NCOA3: variants seen among roughly 807,000 people sequenced by gnomAD.
NCOA3 encodes the protein nuclear receptor coactivator 3, also known as CBP-interacting protein.
A neutral mutation model predicts 158.8 loss-of-function variants in NCOA3; 51 were observed. That is an observed-to-expected ratio of 0.32 (90% CI 0.26 to 0.41). The LOEUF (loss-of-function observed/expected upper bound fraction) is 0.41. Among genes scored for constraint, NCOA3 ranks in the 10% least tolerant of loss-of-function variants. The probability of loss-of-function intolerance (pLI) is 1.00; values close to 1 mark genes in which losing one functional copy is unlikely to be tolerated. For synonymous variants in NCOA3, 537 were observed against 592.4 expected (o/e 0.91, Z 1.36); for missense variants, 1,510 against 1,746.6 (o/e 0.86, Z 2.41).
Position 47,635,621 on chromosome 20 carries a change from C to G in NCOA3, c.1412C>G (p.Pro471Arg). Residue 471 changes from proline (P) to arginine (R), a missense_variant, in exon 11 of 23, where the codon CCT (proline) becomes CGT (arginine). Physicochemically the swap from Pro to Arg is moderately radical, Grantham distance 103. Around this residue, in one of 4 missense-constraint regions of NCOA3, gnomAD observed 1,017 missense variants for 1,098.3 expected, o/e 0.93. Coordinates refer to ENST00000371998, the MANE Select transcript of NCOA3 (RefSeq NM_181659.3). ...LNMSSPPHGS[P>R]GLAPNQQNIM... ...ATGAGTAGCCCCCCACATGGGAGTCCTGGTCTTGCCCCAAACCAGCAGAAT... is the reference window on the plus strand; with the variant it reads ...ATGAGTAGCCCCCCACATGGGAGTCGTGGTCTTGCCCCAAACCAGCAGAAT... 6.2e-7 allele frequency: 1 copy of G among 1,614,198 alleles called. No individual in the cohort carries two copies. The highest frequency in any genetic ancestry group is 8.5e-7 in the Non-Finnish European group (1 of 1,180,040).
intron 1 of NCOA3, 141 bp from the exon 2 acceptor site, chr20:47,583,042 G>T: frequency 5.2e-6 from 2 of 385,446 alleles, no homozygotes; most frequent in East Asian, 7.3e-5. Context: ...TGATTTGCCC[G>T]CCTTGCCTCC....
At chr20:47,529,982 A>G (rs925890954) in intron 1 of NCOA3, among the ~76,000 whole-genome samples, 4 of 152,256 alleles carry the variant, frequency 2.6e-5, no homozygotes, top group African/African-American at 7.2e-5. Context: ...ACTATTTCCC[A>G]TAATAACATG....
intron 1 of NCOA3, among the ~76,000 whole-genome samples, chr20:47,544,526 A>T (rs1437534094): frequency 6.6e-6 from 1 of 151,694 alleles, no homozygotes; most frequent in East Asian, 1.9e-4. Context: ...TTTGTTTTAG[A>T]TGTTGCCTTT....
At chr20:47,550,358 T>G (rs1309967448) in intron 1 of NCOA3, among the ~76,000 whole-genome samples, 1 of 149,210 alleles carries the variant, frequency 6.7e-6, no homozygotes, top group Non-Finnish European at 1.5e-5. Flanking sequence ...GCAGGAGAAT[T>G]GCTTGAATCC....
At position 47,651,292 on chromosome 20, in the gene NCOA3, A is replaced by C; in HGVS notation, c.3946+16A>C. On this transcript the variant is annotated intron_variant, in intron 20 of 22. Transcript: ENST00000371998. ...CCAAATTATGGTAAATCTGACAATG[A>C]AAATGTGCCTTCCCCAAGTTAACAT... is the stretch of plus-strand genomic sequence containing the variant. The C allele has an allele frequency of 5.0e-6, 8 of 1,588,116 alleles. No individual in the cohort carries two copies. Among genetic ancestry groups the C allele is most frequent in the Non-Finnish European group, 6.9e-6 (8 of 1,162,894 alleles).
chr20:47,538,326 G>A (rs2084668046), intron 1 of NCOA3, among the ~76,000 whole-genome samples: 1 of 152,298 alleles, frequency 6.6e-6, no homozygotes, highest in East Asian at 1.9e-4. Context: ...TAGGCACTGC[G>A]TTAGAAGCGA....
intron 1 of NCOA3, among the ~76,000 whole-genome samples, chr20:47,507,656 T>C (rs1397788937): frequency 1.3e-5 from 2 of 152,358 alleles, no homozygotes; most frequent in South Asian, 2.1e-4. Flanking sequence ...TTCACTCTTG[T>C]TGCCCAGGCT....
rs573750252 is a variant in NCOA3, at chr20:47,633,470, CT to C, written c.824-19del. On this transcript the variant is annotated intron_variant, in intron 8 of 22. Coordinates refer to ENST00000371998, the MANE Select transcript of NCOA3 (RefSeq NM_181659.3). ...AAATACTTGTGGGCTGGATATAAGT[CT>C]TTTTTTCCTTTTTTTGTTTAATAGG... 822 of 1,592,390 alleles carry C rather than the reference CT, an allele frequency of 5.2e-4. 10 individuals are homozygous for C. In the South Asian group the frequency reaches 8.8e-3, roughly 17 times the overall value.
rs761223609 is a variant in NCOA3 at position 47,639,748 on chromosome 20, C to G, written c.2879C>G (p.Thr960Arg). ...PRPALGGSIPTLPLRSNSIPG... is the reference protein window; with the variant it reads ...PRPALGGSIPRLPLRSNSIPG... Reference sequence around the variant, plus strand: ...CCTGCACTGGGTGGCTCTATTCCCACATTGCCTCTTCGGTCTAATAGCATA... The same window carrying G: ...CCTGCACTGGGTGGCTCTATTCCCAGATTGCCTCTTCGGTCTAATAGCATA... Residue 960 changes from threonine to arginine, a missense_variant, in exon 15 of 23, where the codon ACA becomes AGA. Physicochemically the swap from Thr to Arg is moderately conservative, Grantham distance 71 (BLOSUM62 -1). Around this residue, in one of 4 missense-constraint regions of NCOA3, gnomAD observed 1,017 missense variants for 1,098.3 expected, o/e 0.93. Coordinates refer to ENST00000371998, the MANE Select transcript of NCOA3 (RefSeq NM_181659.3). The G allele has an allele frequency of 6.2e-7, 1 of 1,614,086 alleles. No individual in the cohort carries two copies. The highest frequency in any genetic ancestry group is 8.5e-7 in the Non-Finnish European group (1 of 1,180,052).
In NCOA3 at chr20:47,622,175, G is replaced by A. The variant is rs781175716; in HGVS notation, c.-19-54G>A. The A allele has an allele frequency of 1.1e-5, 10 of 918,436 alleles. No homozygotes were observed. In the Admixed American group the frequency reaches 1.3e-4, roughly 12 times the overall value. The allele number at this position is 918,436 out of a possible 1,614,324, so 56.9% of individuals were successfully genotyped here. ...CATTCAGTCATATAACACCTTCATAGAGTCATGTATATTTTTTAATGTACT... is the reference window on the plus strand; with the variant it reads ...CATTCAGTCATATAACACCTTCATAAAGTCATGTATATTTTTTAATGTACT... On this transcript the variant is annotated intron_variant, in intron 2 of 22. Transcript: ENST00000371998.
Position 47,636,379 on chromosome 20 carries a change from G to C in NCOA3, c.1993G>C (p.Gly665Arg), listed in dbSNP as rs766813651. Residue 665 changes from glycine (G) to arginine (R), a missense_variant, in exon 12 of 23, where the codon GGA (glycine) becomes CGA (arginine). Physicochemically the swap from Gly to Arg is moderately radical, Grantham distance 125. This residue lies in a region of NCOA3 where 1,017 missense variants were observed against 1,098.3 expected (regional missense o/e 0.93). Coordinates refer to ENST00000371998, the MANE Select transcript of NCOA3 (RefSeq NM_181659.3). ...SPSGVSSSTS[G>R]GVSSTSNMHG... Reference sequence around the variant, plus strand: ...CTCTGGAGTCTCCTCCTCTACATCTGGAGGAGTATCCTCTACATCCAATAT... The same window carrying C: ...CTCTGGAGTCTCCTCCTCTACATCTCGAGGAGTATCCTCTACATCCAATAT... The C allele has an allele frequency of 3.7e-6, 6 of 1,614,128 alleles. No homozygotes were observed. The East Asian group carries it at 1.3e-4, about 36-fold the overall frequency.
intron 2 of NCOA3, among the ~76,000 whole-genome samples, chr20:47,592,706 G>A (rs1257185165): frequency 6.6e-6 from 1 of 152,152 alleles, no homozygotes; most frequent in Non-Finnish European, 1.5e-5. Flanking sequence ...CAGTTAAAAT[G>A]TTCATACTGT....
intron 2 of NCOA3, among the ~76,000 whole-genome samples, chr20:47,594,524 G>T (rs2085711371): frequency 6.6e-6 from 1 of 151,636 alleles, no homozygotes; most frequent in African/African-American, 2.4e-5. Flanking sequence ...AATTAGCCTG[G>T]CGTGTTGGCA....
chr20:47,646,376 C>A (rs1465010521), intron 17 of NCOA3, among the ~76,000 whole-genome samples: 2 of 152,076 alleles, frequency 1.3e-5, no homozygotes, highest in East Asian at 3.8e-4. Flanking sequence ...GGAGGGCCAA[C>A]TGTATTGTGA....
intron 1 of NCOA3, among the ~76,000 whole-genome samples, chr20:47,552,536 T>C (rs993266980): frequency 6.6e-6 from 1 of 152,130 alleles, no homozygotes; most frequent in African/African-American, 2.4e-5. Context: ...ATCATTATAT[T>C]TTCCCCAAAC....
chr20:47,634,631 A>AC (rs922146160), intron 10 of NCOA3, among the ~76,000 whole-genome samples: 4 of 152,176 alleles, frequency 2.6e-5, no homozygotes, highest in Admixed American at 1.3e-4. Context: ...ATTTGCAGGT[A>AC]CCCCCAGGTG....
At chr20:47,594,664 CAAAAAAAAAAAAAA>C (rs377014290) in intron 2 of NCOA3, among the ~76,000 whole-genome samples, 26 of 72,942 alleles carry the variant, frequency 3.6e-4, no homozygotes, top group Non-Finnish European at 5.9e-4. Flanking sequence ...GACTCTGTCT[CAAAAAAAAAAAAAA>C]AAAAAAAAAA....
chr20:47,582,291 T>G lies in NCOA3; in HGVS notation c.-98-892T>G, dbSNP rs572408751. On this transcript the variant is annotated intron_variant, in intron 1 of 22. Transcript: ENST00000371998. The stretch of plus-strand genomic sequence containing the variant: ...GCAATGGCATGGTCTTGGGTCACTG[T>G]AACCTCTGCTTCCCTAATTCAGGTG... Among the ~76,000 whole-genome samples, 4 of 152,288 alleles carry G rather than the reference T, an allele frequency of 2.6e-5. No homozygotes were observed. In the South Asian group the frequency reaches 6.2e-4, roughly 24 times the overall value.
rs71183263 is a variant in NCOA3, at chr20:47,558,232, A to ATTTTTTTTTTTTTTTTT, written c.-98-24938_-98-24922dup. ...CACCTCCACGCCCAGCTAATTTTGT[A>ATTTTTTTTTTTTTTTTT]TTTTTTTTTTTTTTTTTTTTTTTTT... On this transcript the variant is annotated intron_variant, in intron 1 of 22. Coordinates refer to ENST00000371998, the MANE Select transcript of NCOA3 (RefSeq NM_181659.3). Among the ~76,000 whole-genome samples the ATTTTTTTTTTTTTTTTT allele has an allele frequency of 5.0e-4, 28 of 55,528 alleles. 1 individual carries two copies. Among genetic ancestry groups the ATTTTTTTTTTTTTTTTT allele is most frequent in the African/African-American group, 1.7e-3 (26 of 15,484 alleles). The allele number at this position is 55,528 out of a possible 152,430, so 36.4% of individuals were successfully genotyped here.
Sources: gnomAD v4.1 joint callset for allele counts (sites outside exome capture counted in the v4.1 genomes callset) on GRCh38, gnomAD v4.1.1 for gene constraint, gnomAD v4.1.1 regional missense constraint, MANE v1.5 for transcripts, NCBI Gene and HGNC (gene_info 2026-07-23, HGNC 2026-07-21) for gene names.